The following KHDRBS2 variants were observed in gnomAD, a reference collection of about 807,000 sequenced individuals.
KHDRBS2 encodes KH RNA binding domain containing, signal transduction associated 2, also known as KH domain-containing, RNA-binding, signal transduction-associated protein 2.
Under a neutral mutation model 44.3 loss-of-function variants are expected in KHDRBS2, and 26 were observed. The ratio of observed to expected loss-of-function variants is 0.59; its 90% CI spans 0.43 to 0.81. The LOEUF (loss-of-function observed/expected upper bound fraction) is 0.81, where lower values mean the gene tolerates loss of function less well. Among genes scored for constraint, KHDRBS2 ranks in the 40% least tolerant of loss-of-function variants. The probability of loss-of-function intolerance (pLI) is 0.00; values close to 1 mark genes in which losing one functional copy is unlikely to be tolerated. For synonymous variants in KHDRBS2, 194 were observed against 151.1 expected (o/e 1.28, Z -2.08); for missense variants, 476 against 433.1 (o/e 1.10, Z -0.88).
At chr6:62,254,727 C>T (rs1223392893) in intron 1 of KHDRBS2, among the ~76,000 whole-genome samples, 3 of 151,914 alleles carry the variant, frequency 2.0e-5, no homozygotes, top group African/African-American at 4.8e-5. Flanking sequence ...CAGCCAGATG[C>T]GGGAGTAGAA....
At chr6:61,804,593 T>A (rs1206328698) in intron 6 of KHDRBS2, among the ~76,000 whole-genome samples, 1 of 152,232 alleles carries the variant, frequency 6.6e-6, no homozygotes, top group Non-Finnish European at 1.5e-5. Context: ...AACTTCTGCC[T>A]GAATATCCAA....
At chr6:62,012,529 A>G (rs886757735) in intron 3 of KHDRBS2, among the ~76,000 whole-genome samples, 2 of 152,158 alleles carry the variant, frequency 1.3e-5, no homozygotes, top group Non-Finnish European at 2.9e-5. Context: ...GGCCTATTTT[A>G]TCTAGATACC....
intron 4 of KHDRBS2, among the ~76,000 whole-genome samples, chr6:61,960,163 T>A (rs1479461373): frequency 6.6e-6 from 1 of 152,056 alleles, no homozygotes; most frequent in Admixed American, 6.6e-5. Flanking sequence ...TAAAACCCCC[T>A]ATTAATGTAT....
At chr6:62,018,471 C>T (rs1781654159) in intron 3 of KHDRBS2, among the ~76,000 whole-genome samples, 1 of 152,032 alleles carries the variant, frequency 6.6e-6, no homozygotes, top group Non-Finnish European at 1.5e-5. Context: ...TCTCAGCCTC[C>T]GGAGTAGCTG....
chr6:62,110,947 G>A (rs1410245864), intron 2 of KHDRBS2, among the ~76,000 whole-genome samples: 1 of 151,956 alleles, frequency 6.6e-6, no homozygotes, highest in Non-Finnish European at 1.5e-5. Context: ...GCACTCATGT[G>A]TTAAAATTTA....
intron 2 of KHDRBS2, among the ~76,000 whole-genome samples, chr6:62,072,551 G>A (rs1219011839): frequency 6.6e-6 from 1 of 151,972 alleles, no homozygotes; most frequent in Non-Finnish European, 1.5e-5. Flanking sequence ...TTATCATGAA[G>A]GGTTGTTGAA....
Position 61,916,902 on chromosome 6 carries a change from G to A in KHDRBS2, c.484-15531C>T, listed in dbSNP as rs532140571. On this transcript the variant is annotated intron_variant, in intron 4 of 8. Coordinates refer to ENST00000281156, the MANE Select transcript of KHDRBS2 (RefSeq NM_152688.4). ...CACCACTATGTACTTATTAGAATAC[G>A]GAAAATCCAGAACACTGACACCACC... Among the ~76,000 whole-genome samples, 46 of 150,472 alleles carry A rather than the reference G, an allele frequency of 3.1e-4. 1 individual carries two copies. The highest frequency in any genetic ancestry group is 7.3e-4 in the African/African-American group (30 of 41,044).
In KHDRBS2 at chr6:61,951,729, C is replaced by T. The variant is rs558683420; in HGVS notation, c.483+26337G>A. On this transcript the variant is annotated intron_variant, in intron 4 of 8. Coordinates refer to ENST00000281156, the MANE Select transcript of KHDRBS2 (RefSeq NM_152688.4). ...GGAGCCACTGATCTTGGGTTAGTGG[C>T]CATAAAGTGACCTTGACAGAGCCAT... is the stretch of plus-strand genomic sequence containing the variant. Among the ~76,000 whole-genome samples the T allele has an allele frequency of 8.0e-4, 121 of 151,974 alleles. 1 individual carries two copies. The highest frequency in any genetic ancestry group is 8.5e-4 in the Non-Finnish European group (58 of 67,948).
intron 6 of KHDRBS2, among the ~76,000 whole-genome samples, chr6:61,809,691 T>G (rs148079320): frequency 6.6e-6 from 1 of 152,248 alleles, no homozygotes; most frequent in East Asian, 1.9e-4. Context: ...CCTCAAAAAC[T>G]TATCTGACAA....
intron 1 of KHDRBS2, among the ~76,000 whole-genome samples, chr6:62,275,474 G>A (rs983151748): frequency 5.3e-5 from 8 of 152,040 alleles, no homozygotes; most frequent in Admixed American, 4.6e-4. Context: ...ATCATTTTCA[G>A]GAATAAACAT....
At chr6:61,969,598 G>A (rs909148509) in intron 4 of KHDRBS2, among the ~76,000 whole-genome samples, 6 of 151,632 alleles carry the variant, frequency 4.0e-5, no homozygotes, top group Admixed American at 1.3e-4. Context: ...AACCTATCCT[G>A]GCTTATAAAG....
downstream of KHDRBS2, among the ~76,000 whole-genome samples, chr6:61,676,017 G>A (rs1413536442): frequency 6.6e-6 from 1 of 151,722 alleles, no homozygotes; most frequent in African/African-American, 2.4e-5. Flanking sequence ...ACAACTTTGG[G>A]AGCCATCACA....
At chr6:62,250,454 G>A (rs1323608638) in intron 1 of KHDRBS2, among the ~76,000 whole-genome samples, 1 of 151,878 alleles carries the variant, frequency 6.6e-6, no homozygotes, top group African/African-American at 2.4e-5. Flanking sequence ...TGTAATTTAG[G>A]AAACATTTCA....
At position 62,033,823 on chromosome 6, in the gene KHDRBS2, T is replaced by A. The variant is rs142784951; in HGVS notation, c.336+14055A>T. Among the ~76,000 whole-genome samples, 900 of 151,728 alleles carry A rather than the reference T, an allele frequency of 5.9e-3. 6 individuals carry two copies. The highest frequency in any genetic ancestry group is 9.5e-3 in the Non-Finnish European group (644 of 67,858). On this transcript the variant is annotated intron_variant, in intron 3 of 8. Transcript: ENST00000281156. ...ATTTAAATTGAAATGAAGAAAATTA[T>A]ATGAAATATCCATGAAATAAGAAGT...
At chr6:62,069,019 G>GA (rs35793069) in intron 2 of KHDRBS2, among the ~76,000 whole-genome samples, 1 of 151,278 alleles carries the variant, frequency 6.6e-6, no homozygotes, top group Admixed American at 6.6e-5. Flanking sequence ...TAAATTTCTG[G>GA]AAAAAAGATA....
At chr6:61,756,365 A>T (rs1203456165) in intron 6 of KHDRBS2, among the ~76,000 whole-genome samples, 2 of 151,822 alleles carry the variant, frequency 1.3e-5, no homozygotes, top group Non-Finnish European at 2.9e-5. Flanking sequence ...CAATCAATCG[A>T]TTCTCCTGCC....
the KHDRBS2 span, among the ~76,000 whole-genome samples, chr6:61,667,523 G>C: frequency 6.6e-6 from 1 of 151,104 alleles, no homozygotes; most frequent in Non-Finnish European, 1.5e-5. Flanking sequence ...CAATATACCA[G>C]TTAAGAAAAA....
At chr6:62,026,162 A>G (rs1352089755) in intron 3 of KHDRBS2, among the ~76,000 whole-genome samples, 1 of 151,654 alleles carries the variant, frequency 6.6e-6, no homozygotes, top group Non-Finnish European at 1.5e-5. Flanking sequence ...GTAAGTGTCC[A>G]TTTACTTACT....
intron 6 of KHDRBS2, among the ~76,000 whole-genome samples, chr6:61,835,178 A>G (rs375191246): frequency 3.9e-4 from 60 of 152,156 alleles, no homozygotes; most frequent in African/African-American, 1.3e-3. Flanking sequence ...GATGCAGCCA[A>G]AATCCACCGC....
Sources: gnomAD v4.1 joint callset for allele counts (sites outside exome capture counted in the v4.1 genomes callset) on GRCh38, gnomAD v4.1.1 for gene constraint, MANE v1.5 for transcripts, NCBI Gene and HGNC (gene_info 2026-07-23, HGNC 2026-07-21) for gene names.